The following PIK3R4 variants were observed in gnomAD, a reference collection of about 807,000 sequenced individuals.
PIK3R4 encodes the protein phosphoinositide-3-kinase regulatory subunit 4, also known as phosphoinositide 3-kinase regulatory subunit 4.
PIK3R4 carries 46 observed loss-of-function variants against 136.5 expected under a neutral mutation model. That is an observed-to-expected ratio of 0.34 (90% CI 0.27 to 0.43). PIK3R4 has a LOEUF of 0.43. Among genes scored for constraint, PIK3R4 ranks in the 20% least tolerant of loss-of-function variants. The pLI, the probability that PIK3R4 is intolerant of heterozygous loss-of-function variation, is 1.00. For synonymous variants in PIK3R4, 557 were observed against 566.7 expected, an observed-to-expected ratio of 0.98 and a Z score of 0.24; for missense variants, 1,331 against 1,649.5, an observed-to-expected ratio of 0.81 and a Z score of 3.35.
At chr3:130,699,893 T>C (rs2066566157) in intron 13 of PIK3R4, among the ~76,000 whole-genome samples, 1 of 152,162 alleles carries the variant, frequency 6.6e-6, no homozygotes, top group South Asian at 2.1e-4. Flanking sequence ...CCTTAGGATA[T>C]GTACATCATA....
At chr3:130,684,107 T>C (rs1001258037) in intron 16 of PIK3R4, 143 bp downstream of exon 16, 3 of 667,960 alleles carry the variant, frequency 4.5e-6, no homozygotes, top group Non-Finnish European at 7.7e-6. Flanking sequence ...GAGGTATCAA[T>C]AGTGGCAACC....
At chr3:130,685,545 T>C (rs1464233544) in intron 15 of PIK3R4, among the ~76,000 whole-genome samples, 1 of 152,210 alleles carries the variant, frequency 6.6e-6, no homozygotes, top group Non-Finnish European at 1.5e-5. Context: ...ACAACTCAGC[T>C]ATCCATCAAC....
At chr3:130,710,186 TTTATA>T (rs1295293052) in intron 9 of PIK3R4, among the ~76,000 whole-genome samples, 20 of 151,882 alleles carry the variant, frequency 1.3e-4, no homozygotes, top group African/African-American at 4.8e-4. Context: ...ATAAAAACAT[TTTATA>T]TATTTATATT....
At chr3:130,728,439 G>A in intron 6 of PIK3R4, 24 bp downstream of exon 6, 1 of 1,478,396 alleles carries the variant, frequency 6.8e-7, no homozygotes, top group Non-Finnish European at 9.3e-7. Context: ...AAATCTTAAA[G>A]GAATTTAAAA....
In PIK3R4 at chr3:130,723,822, T is replaced by C. The variant is rs1200638342; in HGVS notation, c.1808-235A>G. On this transcript the variant is annotated intron_variant, in intron 6 of 19. Transcript: ENST00000356763. Reference sequence around the variant, plus strand: ...TCCTAAGAACTTACAGAAATGAAAATATAGGTCTCCTAAAAAGGAAGAAGA... The same window carrying C: ...TCCTAAGAACTTACAGAAATGAAAACATAGGTCTCCTAAAAAGGAAGAAGA... 1.6e-5 allele frequency: 6 copies of C among 365,118 alleles called. No individual in the cohort carries two copies. In the Admixed American group the frequency reaches 2.7e-4, roughly 16 times the overall value. The allele number at this position is 365,118 out of a possible 1,614,324, so 22.6% of individuals were successfully genotyped here.
Position 130,745,058 on chromosome 3 carries a change from A to C in PIK3R4, c.161T>G (p.Val54Gly), listed in dbSNP as rs1259376647. ...KHREGLVVVK[V>G]FAIQDPTLPL... ...CAATGTGGGATCCTGAATTGCAAAA[A>C]CCTTCACAACGACCAGGCCTTCTCG... Residue 54 changes from valine to glycine, a missense_variant, in exon 2 of 20, where the codon GTT (valine) becomes GGT (glycine). By Grantham distance (109) the Val-to-Gly change is moderately radical. Coordinates refer to ENST00000356763, the MANE Select transcript of PIK3R4 (RefSeq NM_014602.3). 6.2e-7 allele frequency: 1 copy of C among 1,613,342 alleles called. No individual in the cohort carries two copies. Among genetic ancestry groups the C allele is most frequent in the South Asian group, 1.1e-5 (1 of 90,994 alleles).
At chr3:130,698,889 G>T (rs2066561272) in intron 13 of PIK3R4, among the ~76,000 whole-genome samples, 1 of 152,172 alleles carries the variant, frequency 6.6e-6, no homozygotes, top group African/African-American at 2.4e-5. Flanking sequence ...TTAGGTAAGT[G>T]ATCACCTAAT....
At chr3:130,685,622 A>T (rs558276150) in intron 15 of PIK3R4, among the ~76,000 whole-genome samples, 154 of 152,308 alleles carry the variant, frequency 1.0e-3, no homozygotes, top group African/African-American at 3.5e-3. Flanking sequence ...TACATTTTTT[A>T]AAATCCTGCT....
At chr3:130,685,684 C>T (rs2066485694) in intron 15 of PIK3R4, among the ~76,000 whole-genome samples, 2 of 152,152 alleles carry the variant, frequency 1.3e-5, no homozygotes, top group African/African-American at 4.8e-5. Context: ...ACAAGGCAAA[C>T]AATAAAGTAA....
chr3:130,742,791 T>A (rs1332812008), intron 2 of PIK3R4, among the ~76,000 whole-genome samples: 1 of 152,202 alleles, frequency 6.6e-6, no homozygotes, highest in African/African-American at 2.4e-5. Flanking sequence ...TTACCAAAAA[T>A]GGCACCGATG....
At chr3:130,680,845 G>A in intron 18 of PIK3R4, 124 bp from the exon 19 acceptor site, 2 of 760,510 alleles carry the variant, frequency 2.6e-6, no homozygotes, top group South Asian at 1.8e-5. Context: ...TCATAGAACA[G>A]CATACCATTG....
intron 4 of PIK3R4, among the ~76,000 whole-genome samples, chr3:130,731,197 G>T (rs892353097): frequency 6.6e-6 from 1 of 152,096 alleles, no homozygotes. Flanking sequence ...CTTAACATAT[G>T]TGTTTCTTAA....
Position 130,723,539 on chromosome 3 carries a change from A to T in PIK3R4, c.1856T>A (p.Leu619Gln). The change falls in exon 7 of 20, where the codon CTG becomes CAG. Residue 619 changes from leucine (L) to glutamine (Q), a missense_variant. Physicochemically the swap from Leu to Gln is moderately radical, Grantham distance 113 (BLOSUM62 -2). This residue lies in a region of PIK3R4 where 1,180 missense variants were observed against 1,407.0 expected (regional missense o/e 0.84). Transcript: ENST00000356763. ...GWQSSSILKPLLQQGLSDAEE... is the reference protein window; with the variant it reads ...GWQSSSILKPQLQQGLSDAEE... ...AGCATCACTAAGACCTTGTTGCAGC[A>T]GAGGCTTGAGAATTGAGGAGCTTTG... 1 of 1,614,054 alleles carries T rather than the reference A, an allele frequency of 6.2e-7. No homozygotes were observed. Among genetic ancestry groups the T allele is most frequent in the Non-Finnish European group, 8.5e-7 (1 of 1,179,990 alleles).
chr3:130,733,177 T>C (rs184517241), intron 4 of PIK3R4, among the ~76,000 whole-genome samples: 100 of 152,314 alleles, frequency 6.6e-4, no homozygotes, highest in Non-Finnish European at 1.2e-3. Context: ...TCAGCAGCAA[T>C]AGATTGTTGT....
At chr3:130,687,868 G>A (rs894072505) in intron 14 of PIK3R4, among the ~76,000 whole-genome samples, 3 of 152,078 alleles carry the variant, frequency 2.0e-5, no homozygotes, top group Non-Finnish European at 4.4e-5. Flanking sequence ...CACACACCTG[G>A]AATCAACCAG....
intron 16 of PIK3R4, among the ~76,000 whole-genome samples, chr3:130,681,907 G>A (rs2066460920): frequency 6.6e-6 from 1 of 152,154 alleles, no homozygotes; most frequent in African/African-American, 2.4e-5. Flanking sequence ...GCAGGAGTGT[G>A]CTTAGTTGAA....
Position 130,744,474 on chromosome 3 carries a change from C to A in PIK3R4, c.733+12G>T, listed in dbSNP as rs2066841949. The A allele has an allele frequency of 6.3e-7, 1 of 1,588,708 alleles. No homozygotes were observed. Among genetic ancestry groups the A allele is most frequent in the South Asian group, 1.1e-5 (1 of 86,982 alleles). ...CACATGCTCCCTTAGCAAATGTGAC[C>A]CACTCAAATACCTGCTGAAAAGATG... On this transcript the variant is annotated intron_variant, in intron 2 of 19. Coordinates refer to ENST00000356763, the MANE Select transcript of PIK3R4 (RefSeq NM_014602.3).
rs183114529 is a variant in PIK3R4, at chr3:130,692,006, T to G, written c.3099-1352A>C. 1.7e-3 allele frequency among the ~76,000 whole-genome samples: 258 copies of G among 151,316 alleles called. 1 individual carries two copies. Among genetic ancestry groups the G allele is most frequent in the Middle Eastern group, 3.4e-3 (1 of 290 alleles). ...TCTCCTGACTCAGCCTCCTGAGTAG[T>G]TGGGACTACAGGCGCCCACCACCAC... On this transcript the variant is annotated intron_variant, in intron 13 of 19. Coordinates refer to ENST00000356763, the MANE Select transcript of PIK3R4 (RefSeq NM_014602.3).
chr3:130,729,185 T>C (rs1455877100), intron 5 of PIK3R4, among the ~76,000 whole-genome samples: 1 of 152,194 alleles, frequency 6.6e-6, no homozygotes. Context: ...TCTCTGGTCT[T>C]ACCTCTTCTC....
Sources: allele counts gnomAD v4.1 joint callset (sites outside exome capture counted in the v4.1 genomes callset), GRCh38; gene constraint gnomAD v4.1.1; regional missense constraint gnomAD v4.1.1; transcripts MANE v1.5; gene names NCBI Gene and HGNC (gene_info 2026-07-23, HGNC 2026-07-21).